DEPDC5: variants seen among roughly 807,000 people sequenced by gnomAD.
DEPDC5 encodes GATOR1 complex protein DEPDC5.
Under a neutral mutation model 217.3 loss-of-function variants are expected in DEPDC5, and 73 were observed. The ratio of observed to expected loss-of-function variants is 0.34; its 90% CI spans 0.28 to 0.41. The LOEUF is 0.41. DEPDC5 is among the 10% of genes least tolerant of loss of function. The probability of loss-of-function intolerance (pLI) is 1.00; values close to 1 mark genes in which losing one functional copy is unlikely to be tolerated. For missense variants in DEPDC5, 1,675 were observed against 2,070.1 expected (o/e 0.81, Z 3.70); for synonymous variants, 733 against 756.7 (o/e 0.97, Z 0.51).
intron 7 of DEPDC5, among the ~76,000 whole-genome samples, chr22:31,773,478 C>T (rs1312651035): frequency 1.3e-5 from 2 of 152,168 alleles, no homozygotes; most frequent in East Asian, 3.9e-4. Context: ...GCTGGGATTA[C>T]AGGTATGAGC....
At chr22:31,767,594 T>C (rs1360350165) in intron 6 of DEPDC5, among the ~76,000 whole-genome samples, 1 of 147,668 alleles carries the variant, frequency 6.8e-6, no homozygotes, top group South Asian at 2.2e-4. Flanking sequence ...CGCTCCCAGC[T>C]TTTTTTTTGT....
Position 31,815,135 on chromosome 22 carries a change from C to T in DEPDC5, c.1589C>T (p.Ala530Val), listed in dbSNP as rs2148759614. 6 of 1,614,182 alleles carry T rather than the reference C, an allele frequency of 3.7e-6. No individual in the cohort carries two copies. The highest frequency in any genetic ancestry group is 5.1e-6 in the Non-Finnish European group (6 of 1,180,036). ...GACGACAGCTCCCTAGGCAAGAGTGCCAACATCCTGATGATCCCACACCCC... is the reference window on the plus strand; with the variant it reads ...GACGACAGCTCCCTAGGCAAGAGTGTCAACATCCTGATGATCCCACACCCC... ...ASDDSSLGKS[A>V]NILMIPHPHL... The change falls in exon 21 of 43, where the codon GCC becomes GTC. Residue 530 changes from alanine to valine, a missense_variant. Transcript: ENST00000651528.
At position 31,907,793 on chromosome 22, in the gene DEPDC5, C is replaced by T. The variant is rs913452357; in HGVS notation, c.*1296C>T. On this transcript the variant is annotated 3_prime_UTR_variant, in exon 43 of 43. Transcript: ENST00000651528. ...GAGCTGTGGGTCAGAGGGGAGAATC[C>T]GACAGTGACTGCCACTTCTTGCTGT... The T allele has an allele frequency of 1.3e-5, 2 of 152,306 alleles. No homozygotes were observed. The highest frequency in any genetic ancestry group is 2.4e-5 in the African/African-American group (1 of 41,540). The allele number at this position is 152,306 out of a possible 1,614,324, so 9.4% of individuals were successfully genotyped here.
Position 31,821,624 on chromosome 22 carries a change from GAAGC to G in DEPDC5, c.1994_1997del (p.Glu665ValfsTer18). 1 of 1,613,500 alleles carries G rather than the reference GAAGC, an allele frequency of 6.2e-7. No homozygotes were observed. The highest frequency in any genetic ancestry group is 1.3e-5 in the African/African-American group (1 of 75,048). On this transcript the variant is annotated frameshift_variant, in exon 23 of 43. Transcript: ENST00000651528. LOFTEE classifies it high-confidence loss of function. ...AGAGCTGCTGGAGTTAGCATATCAT[GAAGC>G]TGCTGGAAGGTGAGGATGTGCACAG...
At chr22:31,779,536 C>T (rs888381603) in intron 8 of DEPDC5, among the ~76,000 whole-genome samples, 7 of 152,056 alleles carry the variant, frequency 4.6e-5, no homozygotes, top group African/African-American at 1.2e-4. Flanking sequence ...TCATGCAGGG[C>T]CTTCAAGGTG....
chr22:31,793,577 A>G (rs1418660603), intron 12 of DEPDC5, among the ~76,000 whole-genome samples: 1 of 151,750 alleles, frequency 6.6e-6, no homozygotes, highest in African/African-American at 2.4e-5. Flanking sequence ...TATTATTATT[A>G]TTATTATTTT....
At chr22:31,849,601 T>C (rs375047595) in intron 31 of DEPDC5, among the ~76,000 whole-genome samples, 22 of 151,834 alleles carry the variant, frequency 1.4e-4, no homozygotes, top group African/African-American at 5.1e-4. Context: ...GCCAACATGG[T>C]GAAATCCCGT....
chr22:31,852,446 TTC>T (rs2092081248), intron 31 of DEPDC5, among the ~76,000 whole-genome samples: 2 of 151,934 alleles, frequency 1.3e-5, no homozygotes, highest in Admixed American at 1.3e-4. Context: ...GTTCAAGTGA[TTC>T]TCCTGCCTCA....
Position 31,846,892 on chromosome 22 carries a change from A to AGTCAACTGCACCCCCAGTG in DEPDC5, c.3082_3100dup (p.Gly1034ValfsTer133). 6.2e-7 allele frequency: 1 copy of AGTCAACTGCACCCCCAGTG among 1,614,180 alleles called. No homozygotes were observed. Among genetic ancestry groups the AGTCAACTGCACCCCCAGTG allele is most frequent in the Non-Finnish European group, 8.5e-7 (1 of 1,180,026 alleles). ...GGGCCCATTTCCACGCATTCTCTGGAGTCAACTGCACCCCCAGTGGGGAAG... is the reference window on the plus strand; with the variant it reads ...GGGCCCATTTCCACGCATTCTCTGGAGTCAACTGCACCCCCAGTGGTCAACTGCACCCCCAGTGGGGAAG... On this transcript the variant is annotated frameshift_variant, in exon 31 of 43. Transcript: ENST00000651528. LOFTEE classifies it high-confidence loss of function.
At chr22:31,776,302 G>C (rs1005554652) in intron 7 of DEPDC5, among the ~76,000 whole-genome samples, 1 of 151,834 alleles carries the variant, frequency 6.6e-6, no homozygotes, top group South Asian at 2.1e-4. Context: ...TATAGCGACA[G>C]GGTCTCACTA....
Position 31,873,271 on chromosome 22 carries a change from G to T in DEPDC5, c.3502G>T (p.Ala1168Ser), listed in dbSNP as rs2092900575. The stretch of plus-strand genomic sequence containing the variant: ...GTGTTACAGCTCTCAGCAGCTGGTG[G>T]CAAGCTCCTTGACCTCATCCTCTAC... ...SSDSSSQQLV[A>S]SSLTSSSTLT... The change falls in exon 35 of 43, where the codon GCA (alanine) becomes TCA (serine). Residue 1168 changes from alanine to serine, a missense_variant. Physicochemically the swap from Ala to Ser is moderately conservative, Grantham distance 99. Around this residue, in one of 11 missense-constraint regions of DEPDC5, gnomAD observed 194 missense variants for 199.3 expected, o/e 0.97. Coordinates refer to ENST00000651528, the MANE Select transcript of DEPDC5 (RefSeq NM_001242896.3). 2 of 1,613,896 alleles carry T rather than the reference G, an allele frequency of 1.2e-6. No homozygotes were observed. The highest frequency in any genetic ancestry group is 1.3e-5 in the African/African-American group (1 of 74,906).
At chr22:31,764,141 T>C (rs948027693) in intron 4 of DEPDC5, among the ~76,000 whole-genome samples, 1 of 151,252 alleles carries the variant, frequency 6.6e-6, no homozygotes. Flanking sequence ...ACCATGTTGG[T>C]CAGGCTGGTC....
chr22:31,760,426 G>A (rs567523772), intron 3 of DEPDC5, among the ~76,000 whole-genome samples: 7 of 152,010 alleles, frequency 4.6e-5, no homozygotes, highest in East Asian at 1.9e-4. Flanking sequence ...GGATGGTCTC[G>A]ATCTCCTGAC....
At chr22:31,781,506 C>T (rs1011372186) in intron 8 of DEPDC5, among the ~76,000 whole-genome samples, 1 of 152,018 alleles carries the variant, frequency 6.6e-6, no homozygotes, top group African/African-American at 2.4e-5. Context: ...GATCTCGGCT[C>T]ACTACAACCT....
chr22:31,889,099 C>A lies in DEPDC5; in HGVS notation c.4034-4483C>A, dbSNP rs141043143. On this transcript the variant is annotated intron_variant, in intron 38 of 42. Transcript: ENST00000651528. Reference sequence around the variant, plus strand: ...TTTTTCTCCTCTGCTGACACTGTCCCCTTCCCCAGGTTACTGATAACCCCC... The same window carrying A: ...TTTTTCTCCTCTGCTGACACTGTCCACTTCCCCAGGTTACTGATAACCCCC... 6.0e-3 allele frequency among the ~76,000 whole-genome samples: 913 copies of A among 152,300 alleles called. 14 individuals are homozygous for A. The highest frequency in any genetic ancestry group is 0.021 in the African/African-American group (856 of 41,570).
Position 31,821,494 on chromosome 22 carries a change from C to T in DEPDC5, c.1871-8C>T, listed in dbSNP as rs1197106989. On this transcript the variant is annotated splice_polypyrimidine_tract_variant and splice_region_variant and intron_variant, in intron 22 of 42. Coordinates refer to ENST00000651528, the MANE Select transcript of DEPDC5 (RefSeq NM_001242896.3). ...GGAATGATGCTCAGTGGTTCTTTAT[C>T]TGGGTAGGGCCATCCGGAGAAGCCA... 6.2e-7 allele frequency: 1 copy of T among 1,613,774 alleles called. No individual in the cohort carries two copies. Among genetic ancestry groups the T allele is most frequent in the Non-Finnish European group, 8.5e-7 (1 of 1,179,722 alleles).
chr22:31,843,866 A>G (rs769954982), intron 29 of DEPDC5, 54 bp downstream of exon 29: 12 of 1,518,404 alleles, frequency 7.9e-6, no homozygotes, highest in Non-Finnish European at 9.9e-6. Flanking sequence ...AAGGATGTGT[A>G]TGTGTATTTT....
rs1479108198 is a variant in DEPDC5, at chr22:31,843,135, T to A, written c.2556T>A (p.Tyr852Ter). 1 of 1,614,026 alleles carries A rather than the reference T, an allele frequency of 6.2e-7. No individual in the cohort carries two copies. The highest frequency in any genetic ancestry group is 1.3e-5 in the African/African-American group (1 of 74,930). ...ACCGCCCTGAGGAGGAGGACCAGTA[T>A]TGGCTGAGTATGGGCAGAACGTTCC... ...SRNRPEEEDQ[Y>*]WLSMGRTFHK... The change falls in exon 28 of 43, where the codon TAT (tyrosine) becomes TAA (stop). Residue 852 changes from tyrosine to a stop codon, truncating the protein, a stop_gained. Coordinates refer to ENST00000651528, the MANE Select transcript of DEPDC5 (RefSeq NM_001242896.3). LOFTEE classifies it high-confidence loss of function.
chr22:31,793,051 G>C lies in DEPDC5; in HGVS notation c.767+234G>C, dbSNP rs369060625. Reference sequence around the variant, plus strand: ...CACCACTGCACACCAACCTGGGAGAGAGTGAGACCCTGTCTCCAAAATAAA... The same window carrying C: ...CACCACTGCACACCAACCTGGGAGACAGTGAGACCCTGTCTCCAAAATAAA... On this transcript the variant is annotated intron_variant, in intron 12 of 42. Transcript: ENST00000651528. Among the ~76,000 whole-genome samples the C allele has an allele frequency of 4.6e-5, 7 of 151,940 alleles. No individual in the cohort carries two copies. In the South Asian group the frequency reaches 6.2e-4, roughly 14 times the overall value.
Sources: allele counts gnomAD v4.1 joint callset (sites outside exome capture counted in the v4.1 genomes callset), GRCh38; gene constraint gnomAD v4.1.1; regional missense constraint gnomAD v4.1.1; transcripts MANE v1.5; gene names NCBI Gene and HGNC (gene_info 2026-07-23, HGNC 2026-07-21).